Variants in GALNT17 observed in about 807,000 individuals in gnomAD.
GALNT17 encodes the protein UDP-GalNAc:polypeptide N-acetylgalactosaminyltransferase-like 3.
A neutral mutation model predicts 63.7 loss-of-function variants in GALNT17; 29 were observed. The observed-to-expected ratio is 0.46, with a 90% CI of 0.34 to 0.62. GALNT17 has a LOEUF of 0.62. GALNT17 is among the 20% of genes least tolerant of loss of function. GALNT17 has a pLI of 0.01. For missense variants in GALNT17, 603 were observed against 799.6 expected, an observed-to-expected ratio of 0.75 and a Z score of 2.97; for synonymous variants, 305 against 318.3, an observed-to-expected ratio of 0.96 and a Z score of 0.45.
intron 3 of GALNT17, among the ~76,000 whole-genome samples, chr7:71,412,675 T>C (rs1276983082): frequency 1.3e-5 from 2 of 152,206 alleles, no homozygotes; most frequent in Non-Finnish European, 2.9e-5. Context: ...CAGAATGTCC[T>C]CTGGCCCCCT....
At chr7:71,220,944 C>T (rs1487249023) in intron 1 of GALNT17, among the ~76,000 whole-genome samples, 3 of 152,174 alleles carry the variant, frequency 2.0e-5, no homozygotes, top group African/African-American at 7.2e-5. Flanking sequence ...ATACCCATAT[C>T]TATAGATCTT....
intron 9 of GALNT17, among the ~76,000 whole-genome samples, chr7:71,688,164 T>G (rs1791389351): frequency 1.3e-5 from 2 of 152,218 alleles, no homozygotes; most frequent in Admixed American, 6.5e-5. Flanking sequence ...TGCCATATTT[T>G]TTAAAACCTC....
intron 5 of GALNT17, among the ~76,000 whole-genome samples, chr7:71,552,761 G>T (rs1789102428): frequency 6.6e-6 from 1 of 152,052 alleles, no homozygotes; most frequent in African/African-American, 2.4e-5. Context: ...ACTCTTAAGG[G>T]CAGACTTTTT....
chr7:71,649,498 G>A lies in GALNT17; in HGVS notation c.1081-15913G>A, dbSNP rs562374603. 7.9e-5 allele frequency among the ~76,000 whole-genome samples: 12 copies of A among 152,252 alleles called. No homozygotes were observed. The South Asian group carries it at 2.5e-3, about 32-fold the overall frequency. On this transcript the variant is annotated intron_variant, in intron 6 of 10. Coordinates refer to ENST00000333538, the MANE Select transcript of GALNT17 (RefSeq NM_022479.3). ...GTGGGGATTCCTGACTGGTTGAGAA[G>A]CAAGAGGATGAAGTCCTGGGACAGG...
intron 5 of GALNT17, among the ~76,000 whole-genome samples, chr7:71,484,712 G>C (rs1414200771): frequency 6.6e-6 from 1 of 151,674 alleles, no homozygotes; most frequent in Non-Finnish European, 1.5e-5. Context: ...TTCATTATGT[G>C]GTGCATGACT....
chr7:71,665,459 G>A lies in GALNT17; in HGVS notation c.1129G>A (p.Ala377Thr). Residue 377 changes from alanine (A) to threonine (T), a missense_variant, in exon 7 of 11, where the codon GCC (alanine) becomes ACC (threonine). Physicochemically the swap from Ala to Thr is moderately conservative, Grantham distance 58. Coordinates refer to ENST00000333538, the MANE Select transcript of GALNT17 (RefSeq NM_022479.3). ...GGAGGTCCTTCCTTGCTCACGGGTG[G>A]CCCACATTGAGCGGAAGAAGAAGCC... ...SMEVLPCSRV[A>T]HIERKKKPYN... is the part of the protein sequence containing the mutation. The A allele has an allele frequency of 6.2e-7, 1 of 1,613,074 alleles. No individual in the cohort carries two copies. Among genetic ancestry groups the A allele is most frequent in the Non-Finnish European group, 8.5e-7 (1 of 1,179,930 alleles).
At chr7:71,378,797 A>G (rs1416699581) in intron 2 of GALNT17, among the ~76,000 whole-genome samples, 1 of 151,884 alleles carries the variant, frequency 6.6e-6, no homozygotes, top group Non-Finnish European at 1.5e-5. Flanking sequence ...CAGCCTGGGC[A>G]ACACACTGAG....
chr7:71,595,852 G>A (rs1346899517), intron 6 of GALNT17, among the ~76,000 whole-genome samples: 1 of 152,124 alleles, frequency 6.6e-6, no homozygotes, highest in Non-Finnish European at 1.5e-5. Context: ...GGAAGATTGT[G>A]GGGGATGAGA....
intron 1 of GALNT17, among the ~76,000 whole-genome samples, chr7:71,316,252 G>GATCAGGATCCTGATCTGTGGA (rs1583855504): frequency 1.2e-5 from 1 of 84,552 alleles, no homozygotes; most frequent in East Asian, 2.6e-4. Context: ...TGATCTGTGG[G>GATCAGGATCCTGATCTGTGGA]TCTGATCAGG....
At chr7:71,624,973 G>T (rs753811452) in intron 6 of GALNT17, among the ~76,000 whole-genome samples, 1 of 152,104 alleles carries the variant, frequency 6.6e-6, no homozygotes, top group East Asian at 1.9e-4. Flanking sequence ...GCTTGTAAGA[G>T]AGTGAAAGTG....
intron 6 of GALNT17, among the ~76,000 whole-genome samples, chr7:71,588,488 C>T (rs920143949): frequency 6.6e-6 from 1 of 152,086 alleles, no homozygotes; most frequent in South Asian, 2.1e-4. Context: ...ACTATTAGAG[C>T]TATATGGCAT....
chr7:71,155,905 T>G (rs897221082), intron 1 of GALNT17, among the ~76,000 whole-genome samples: 1 of 151,880 alleles, frequency 6.6e-6, no homozygotes, highest in Non-Finnish European at 1.5e-5. Context: ...CTTTTAAAAA[T>G]TTCATTCTTG....
At chr7:71,642,408 G>A (rs941145565) in intron 6 of GALNT17, among the ~76,000 whole-genome samples, 2 of 152,158 alleles carry the variant, frequency 1.3e-5, no homozygotes, top group Non-Finnish European at 1.5e-5. Context: ...TTTCTGAGAG[G>A]GGATTTTTAA....
intron 9 of GALNT17, among the ~76,000 whole-genome samples, chr7:71,686,380 A>T (rs1791359234): frequency 6.6e-6 from 1 of 150,610 alleles, no homozygotes. Flanking sequence ...TATACTTTTT[A>T]AAAAGATTTA....
intron 1 of GALNT17, among the ~76,000 whole-genome samples, chr7:71,334,792 A>C (rs1486703024): frequency 6.6e-6 from 1 of 152,202 alleles, no homozygotes; most frequent in African/African-American, 2.4e-5. Flanking sequence ...TGCCATTTAG[A>C]TAAAATTTAA....
At chr7:71,221,048 A>T (rs1358123666) in intron 1 of GALNT17, among the ~76,000 whole-genome samples, 2 of 152,172 alleles carry the variant, frequency 1.3e-5, no homozygotes, top group African/African-American at 4.8e-5. Context: ...GCTGAGCCTC[A>T]TGAAGGAGCT....
intron 1 of GALNT17, among the ~76,000 whole-genome samples, chr7:71,243,308 C>T (rs1040041726): frequency 6.6e-6 from 1 of 152,150 alleles, no homozygotes; most frequent in African/African-American, 2.4e-5. Flanking sequence ...CTATAAATTA[C>T]CTCTTTTCTT....
At chr7:71,530,175 T>G (rs772453649) in intron 5 of GALNT17, among the ~76,000 whole-genome samples, 1 of 152,224 alleles carries the variant, frequency 6.6e-6, no homozygotes, top group Non-Finnish European at 1.5e-5. Context: ...GGGCAAGTCC[T>G]GGGTCCCTGC....
At chr7:71,496,948 T>C (rs969457494) in intron 5 of GALNT17, among the ~76,000 whole-genome samples, 2 of 151,590 alleles carry the variant, frequency 1.3e-5, no homozygotes, top group African/African-American at 2.4e-5. Context: ...TATGATGGCA[T>C]GCACCTGTAG....
Sources: allele counts gnomAD v4.1 joint callset (sites outside exome capture counted in the v4.1 genomes callset), GRCh38; gene constraint gnomAD v4.1.1; transcripts MANE v1.5; gene names NCBI Gene and HGNC (gene_info 2026-07-23, HGNC 2026-07-21).